The following RSRC1 variants were observed in gnomAD, a reference collection of about 807,000 sequenced individuals.
RSRC1 encodes serine/Arginine-related protein 53.
RSRC1 carries 39 observed loss-of-function variants against 49.1 expected under a neutral mutation model. The observed-to-expected ratio is 0.79, with a 90% CI of 0.61 to 1.04. The LOEUF (loss-of-function observed/expected upper bound fraction) is 1.04, where lower values mean the gene tolerates loss of function less well. RSRC1 is among the 50% of genes least tolerant of loss of function. RSRC1 has a pLI of 0.00. For synonymous variants in RSRC1, 143 were observed against 130.8 expected (o/e 1.09, Z -0.63); for missense variants, 388 against 402.4 (o/e 0.96, Z 0.31).
chr3:158,536,855 A>G (rs757466637), intron 7 of RSRC1, among the ~76,000 whole-genome samples: 15 of 151,606 alleles, frequency 9.9e-5, no homozygotes, highest in African/African-American at 1.4e-4. Flanking sequence ...CTCCCACCAG[A>G]TTAGCTGAGA....
chr3:158,301,866 T>C (rs1219969094), intron 5 of RSRC1, among the ~76,000 whole-genome samples: 1 of 152,150 alleles, frequency 6.6e-6, no homozygotes, highest in Non-Finnish European at 1.5e-5. Context: ...ACAGTGGTAT[T>C]CTCAGAGAGA....
chr3:158,515,927 C>T (rs1242211180), intron 7 of RSRC1, among the ~76,000 whole-genome samples: 8 of 151,256 alleles, frequency 5.3e-5, no homozygotes, highest in Admixed American at 3.3e-4. Context: ...ACGTAGTTCT[C>T]GAGCCTTGGT....
chr3:158,443,237 A>T (rs1430410444), intron 6 of RSRC1, among the ~76,000 whole-genome samples: 2 of 152,082 alleles, frequency 1.3e-5, no homozygotes, highest in African/African-American at 4.8e-5. Context: ...CCAGGCATTG[A>T]CTTCCTCTCT....
intron 5 of RSRC1, among the ~76,000 whole-genome samples, chr3:158,324,251 A>G (rs925589393): frequency 6.6e-6 from 1 of 150,488 alleles, no homozygotes; most frequent in Non-Finnish European, 1.5e-5. Flanking sequence ...TTTTTATTAT[A>G]CTTTAAGTTC....
intron 6 of RSRC1, among the ~76,000 whole-genome samples, chr3:158,366,958 G>A (rs985009837): frequency 1.6e-4 from 25 of 152,130 alleles, no homozygotes; most frequent in Non-Finnish European, 2.4e-4. Flanking sequence ...TGTTACTCAT[G>A]TATAGGAATG....
At chr3:158,260,178 T>C (rs987202705) in intron 4 of RSRC1, among the ~76,000 whole-genome samples, 8 of 152,226 alleles carry the variant, frequency 5.3e-5, no homozygotes, top group South Asian at 2.1e-4. Context: ...CAGCTTGGAA[T>C]GTGCGGGGTT....
At chr3:158,367,644 A>T (rs1731845604) in intron 6 of RSRC1, among the ~76,000 whole-genome samples, 1 of 152,186 alleles carries the variant, frequency 6.6e-6, no homozygotes, top group Non-Finnish European at 1.5e-5. Context: ...TATCAGGATG[A>T]TGCTGGCCTC....
At chr3:158,211,848 C>G in intron 4 of RSRC1, among the ~76,000 whole-genome samples, 1 of 151,848 alleles carries the variant, frequency 6.6e-6, no homozygotes. Context: ...ATTGATAAAA[C>G]AGTTTTAACT....
At chr3:158,153,908 G>T (rs921457335) in intron 3 of RSRC1, among the ~76,000 whole-genome samples, 1 of 152,082 alleles carries the variant, frequency 6.6e-6, no homozygotes, top group African/African-American at 2.4e-5. Flanking sequence ...GAAATCCCAG[G>T]ATAATTATGA....
chr3:158,448,294 T>C (rs1197771614), intron 6 of RSRC1, among the ~76,000 whole-genome samples: 1 of 151,900 alleles, frequency 6.6e-6, no homozygotes, highest in East Asian at 1.9e-4. Flanking sequence ...TGTGTTGTTA[T>C]TGGATGTTTT....
At chr3:158,244,837 T>TA (rs1225322716) in intron 4 of RSRC1, among the ~76,000 whole-genome samples, 1 of 152,098 alleles carries the variant, frequency 6.6e-6, no homozygotes, top group African/African-American at 2.4e-5. Context: ...TTCAAACTCT[T>TA]ACTGGTTCCA....
intron 3 of RSRC1, among the ~76,000 whole-genome samples, chr3:158,146,150 A>C (rs1229936707): frequency 6.6e-6 from 1 of 152,180 alleles, no homozygotes; most frequent in African/African-American, 2.4e-5. Context: ...CCCTGGTCAG[A>C]ACTTCCAACA....
intron 4 of RSRC1, among the ~76,000 whole-genome samples, chr3:158,259,533 G>A (rs1355109650): frequency 1.3e-5 from 2 of 152,182 alleles, no homozygotes; most frequent in Non-Finnish European, 2.9e-5. Flanking sequence ...CCCGTACTCA[G>A]CACAGCACTG....
chr3:158,332,177 C>G (rs1415597219), intron 5 of RSRC1, among the ~76,000 whole-genome samples: 2 of 151,994 alleles, frequency 1.3e-5, no homozygotes, highest in Non-Finnish European at 2.9e-5. Flanking sequence ...AAGAAATATA[C>G]CATCATAAAT....
chr3:158,540,851 T>C (rs1371530883), intron 8 of RSRC1, among the ~76,000 whole-genome samples: 1 of 152,152 alleles, frequency 6.6e-6, no homozygotes, highest in East Asian at 1.9e-4. Context: ...CCTCCCACCA[T>C]AAACAGCTAT....
At chr3:158,151,482 A>C (rs1040081549) in intron 3 of RSRC1, among the ~76,000 whole-genome samples, 2 of 152,212 alleles carry the variant, frequency 1.3e-5, no homozygotes, top group Admixed American at 6.5e-5. Context: ...TTCATGACCT[A>C]CTTCAGGGGA....
At chr3:158,262,651 G>C (rs1180178139) in intron 4 of RSRC1, among the ~76,000 whole-genome samples, 4 of 152,052 alleles carry the variant, frequency 2.6e-5, no homozygotes, top group Non-Finnish European at 2.9e-5. Context: ...TCAGTTTGGG[G>C]AGAATTGACA....
intron 4 of RSRC1, among the ~76,000 whole-genome samples, chr3:158,279,904 T>C (rs1012387685): frequency 3.9e-5 from 6 of 152,174 alleles, no homozygotes; most frequent in South Asian, 2.1e-4. Context: ...AGTGGGACTC[T>C]GGGAAACCAG....
intron 4 of RSRC1, among the ~76,000 whole-genome samples, chr3:158,287,648 T>C (rs1220341233): frequency 6.6e-6 from 1 of 152,222 alleles, no homozygotes; most frequent in Non-Finnish European, 1.5e-5. Context: ...AGTATATTAT[T>C]GACAACCGGA....
Sources: gnomAD v4.1 joint callset for allele counts (sites outside exome capture counted in the v4.1 genomes callset) on GRCh38, gnomAD v4.1.1 for gene constraint, MANE v1.5 for transcripts, NCBI Gene and HGNC (gene_info 2026-07-23, HGNC 2026-07-21) for gene names.